Variants in HMGB1 observed in about 807,000 individuals in gnomAD.
HMGB1 encodes the protein high mobility group box 1, also known as high mobility group protein B1.
For missense variants in HMGB1, 79 were observed against 253.5 expected (o/e 0.31, Z 4.67); for synonymous variants, 81 against 84.0 (o/e 0.96, Z 0.19).
Position 30,559,153 on chromosome 13 carries a change from G to C in HMGB1, c.-15+57518C>G, listed in dbSNP as rs544918188. Among the ~76,000 whole-genome samples the C allele has an allele frequency of 1.1e-3, 167 of 152,024 alleles. No individual in the cohort carries two copies. Among genetic ancestry groups the C allele is most frequent in the Non-Finnish European group, 2.4e-4 (16 of 67,986 alleles). Reference sequence around the variant, plus strand: ...TTACATTGCCAAATGTACCTGGGGTGGGGGGTGCGGGTGGAGGAAAAATTG... The same window carrying C: ...TTACATTGCCAAATGTACCTGGGGTCGGGGGTGCGGGTGGAGGAAAAATTG... On this transcript the variant is annotated intron_variant, in intron 1 of 4. Coordinates refer to the HMGB1 transcript ENST00000405805. This position sits in a 1 kb window ranked among gnomAD's most constrained non-coding sequence, Gnocchi z 6.6.
intron 1 of HMGB1, among the ~76,000 whole-genome samples, chr13:30,538,740 T>C (rs1409242531): frequency 2.8e-4 from 42 of 147,958 alleles, no homozygotes; most frequent in African/African-American, 1.0e-3. Flanking sequence ...TTTTCTTTCT[T>C]TCTTCTTTTT....
intron 1 of HMGB1, chr13:30,554,372 T>C: frequency 1.2e-6 from 1 of 847,744 alleles, no homozygotes; most frequent in Non-Finnish European, 2.1e-6. Flanking sequence ...TTGTCTTGTT[T>C]TGATGGGAAA....
At chr13:30,572,345 T>C (rs1870473263) in intron 1 of HMGB1, among the ~76,000 whole-genome samples, 3 of 152,238 alleles carry the variant, frequency 2.0e-5, no homozygotes, top group Non-Finnish European at 2.9e-5. Flanking sequence ...TTGGAATTGA[T>C]TGCATTTTGA....
At chr13:30,463,445 C>G in intron 2 of HMGB1, 86 bp downstream of exon 2, 1 of 1,530,206 alleles carries the variant, frequency 6.5e-7, no homozygotes, top group Admixed American at 1.9e-5. Context: ...CGTCCCACTA[C>G]GAGAATGCCA....
At chr13:30,550,064 T>G (rs924368432) in intron 1 of HMGB1, among the ~76,000 whole-genome samples, 14 of 150,872 alleles carry the variant, frequency 9.3e-5, no homozygotes, top group Non-Finnish European at 1.8e-4. Flanking sequence ...TTTTATAAAT[T>G]AATATTCAAA....
At chr13:30,490,727 G>A (rs562574243) in intron 1 of HMGB1, among the ~76,000 whole-genome samples, 3 of 152,080 alleles carry the variant, frequency 2.0e-5, no homozygotes, top group Non-Finnish European at 4.4e-5. Flanking sequence ...AGGCTGCAAT[G>A]AGCTATGATC....
intron 1 of HMGB1, among the ~76,000 whole-genome samples, chr13:30,608,401 G>A (rs574985653): frequency 8.9e-4 from 135 of 151,976 alleles, no homozygotes; most frequent in African/African-American, 3.1e-3. Flanking sequence ...CCGATGCAAA[G>A]TACTAAAAAA....
intron 1 of HMGB1, among the ~76,000 whole-genome samples, chr13:30,609,767 A>G (rs28579294): frequency 0.036 from 5,526 of 152,192 alleles, 348 homozygotes; most frequent in African/African-American, 0.13. Flanking sequence ...CCGAATCCCC[A>G]AAGTCCACTG....
chr13:30,563,554 G>A (rs1021238885), intron 1 of HMGB1, among the ~76,000 whole-genome samples: 1 of 152,166 alleles, frequency 6.6e-6, no homozygotes, highest in African/African-American at 2.4e-5. Context: ...AGGCTGCAGC[G>A]TGCTGTGACT....
chr13:30,604,525 T>TC (rs1236083542), intron 1 of HMGB1, among the ~76,000 whole-genome samples: 2 of 152,120 alleles, frequency 1.3e-5, no homozygotes, highest in African/African-American at 4.8e-5. Flanking sequence ...AGACAGCCCT[T>TC]CCCCCAACAT....
chr13:30,564,323 T>C (rs954043956), intron 1 of HMGB1, among the ~76,000 whole-genome samples: 3 of 150,644 alleles, frequency 2.0e-5, no homozygotes, highest in African/African-American at 7.3e-5. Context: ...TTTGGTGGCT[T>C]ATGCCTGCAG....
intron 1 of HMGB1, among the ~76,000 whole-genome samples, chr13:30,564,103 A>G (rs1476830666): frequency 6.6e-6 from 1 of 152,070 alleles, no homozygotes; most frequent in Non-Finnish European, 1.5e-5. Context: ...CTCAAATGAA[A>G]AGTGGACAAA....
At chr13:30,609,549 G>C (rs928896326) in intron 1 of HMGB1, among the ~76,000 whole-genome samples, 1 of 151,938 alleles carries the variant, frequency 6.6e-6, no homozygotes, top group African/African-American at 2.4e-5. Flanking sequence ...ACATGCTCCT[G>C]CTCTTAAGCC....
chr13:30,581,192 C>T (rs1303494513), intron 1 of HMGB1, among the ~76,000 whole-genome samples: 2 of 152,144 alleles, frequency 1.3e-5, no homozygotes, highest in African/African-American at 4.8e-5. Flanking sequence ...GGAATCAGAT[C>T]CAGAAAGTGA....
intron 1 of HMGB1, among the ~76,000 whole-genome samples, chr13:30,511,244 C>T (rs561807045): frequency 1.3e-5 from 2 of 152,308 alleles, no homozygotes; most frequent in East Asian, 3.9e-4. Flanking sequence ...TTGGATATTG[C>T]TTCTCTCCAA....
At chr13:30,508,066 T>C (rs1276106257) in intron 1 of HMGB1, among the ~76,000 whole-genome samples, 1 of 152,214 alleles carries the variant, frequency 6.6e-6, no homozygotes, top group Non-Finnish European at 1.5e-5. Context: ...CTTGAACTGT[T>C]ACTCCCATAT....
intron 1 of HMGB1, among the ~76,000 whole-genome samples, chr13:30,499,638 T>C (rs886510420): frequency 2.0e-5 from 3 of 152,236 alleles, no homozygotes; most frequent in African/African-American, 4.8e-5. Flanking sequence ...GCACAAAGTA[T>C]GAGAAATAAA....
intron 1 of HMGB1, chr13:30,464,889 A>AGGGGCGG (rs1252422418): frequency 6.8e-5 from 9 of 133,054 alleles, no homozygotes; most frequent in South Asian, 2.6e-4. Flanking sequence ...CGGCCGGGGG[A>AGGGGCGG]GGGGCGGGGG....
intron 1 of HMGB1, chr13:30,553,581 T>G: frequency 1.8e-6 from 1 of 549,028 alleles, no homozygotes; most frequent in South Asian, 2.0e-5. Context: ...GAGTAATGAT[T>G]GACTATAATA....
Sources: gnomAD v4.1 joint callset for allele counts (sites outside exome capture counted in the v4.1 genomes callset) on GRCh38, gnomAD v4.1.1 for gene constraint, Gnocchi (gnomAD v3.1) non-coding constraint, MANE v1.5 for transcripts, NCBI Gene and HGNC (gene_info 2026-07-23, HGNC 2026-07-21) for gene names.